Variants in TRPC5 observed in about 807,000 individuals in gnomAD.
The protein encoded by TRPC5 is short transient receptor potential channel 5.
A neutral mutation model predicts 56.5 loss-of-function variants in TRPC5; 9 were observed. The ratio of observed to expected loss-of-function variants is 0.16; its 90% confidence interval spans 0.10 to 0.28. The LOEUF (loss-of-function observed/expected upper bound fraction) is 0.28. Ranked by LOEUF, TRPC5 falls within the 10% of genes least tolerant of loss-of-function variation. The pLI is 1.00. For missense variants in TRPC5, 469 were observed against 748.9 expected (o/e 0.63, Z 4.36); for synonymous variants, 282 against 278.5 (o/e 1.01, Z -0.13).
intron 3 of TRPC5, chrX:111,881,946 G>A (rs1346997532): frequency 1.8e-5 from 2 of 111,100 alleles, no homozygotes; most frequent in Non-Finnish European, 3.8e-5. Context: ...GTTGCTTCCC[G>A]TTTTATCCTA....
rs1413381135 is a variant in TRPC5, at chrX:111,774,627, G to A, written c.*1686C>T. On this transcript the variant is annotated 3_prime_UTR_variant, in exon 11 of 11. Coordinates refer to ENST00000262839, the MANE Select transcript of TRPC5 (RefSeq NM_012471.3). Reference sequence around the variant, plus strand: ...TCTTCAAAACCTCCTCCTATTTCTGGCCCCTCCCCCTCCATTTTGCTCTTC... The same window carrying A: ...TCTTCAAAACCTCCTCCTATTTCTGACCCCTCCCCCTCCATTTTGCTCTTC... 1 of 110,393 alleles carries A rather than the reference G, an allele frequency of 9.1e-6. No homozygotes were observed. Among genetic ancestry groups the A allele is most frequent in the Non-Finnish European group, 1.9e-5 (1 of 52,763 alleles). The allele number at this position is 110,393 out of a possible 1,213,427, so 9.1% of individuals were successfully genotyped here.
intron 3 of TRPC5, among the ~76,000 whole-genome samples, chrX:111,883,641 A>G (rs1163764707): frequency 8.9e-6 from 1 of 112,569 alleles, no homozygotes; most frequent in African/African-American, 3.2e-5. Flanking sequence ...GTTAAAAGCT[A>G]GCTAGCTTGC....
At chrX:111,998,457 A>G (rs769164608) in intron 1 of TRPC5, among the ~76,000 whole-genome samples, 1 of 111,384 alleles carries the variant, frequency 9.0e-6, no homozygotes, top group African/African-American at 3.3e-5. Context: ...ATATATAGTC[A>G]TACTTCAGTA....
chrX:112,051,467 A>G (rs1306098826), intron 1 of TRPC5, among the ~76,000 whole-genome samples: 1 of 111,607 alleles, frequency 9.0e-6, no homozygotes, highest in Non-Finnish European at 1.9e-5. Context: ...AATAAGTGAG[A>G]GCAGAAATTA....
intron 6 of TRPC5, among the ~76,000 whole-genome samples, chrX:111,842,300 G>T (rs1395335109): frequency 9.4e-6 from 1 of 106,178 alleles, no homozygotes; most frequent in Admixed American, 1.0e-4. Context: ...ACCACACCTG[G>T]CTGATTTTTG....
intron 1 of TRPC5, among the ~76,000 whole-genome samples, chrX:111,993,070 G>T (rs1928408586): frequency 1.3e-5 from 1 of 75,163 alleles, no homozygotes; most frequent in South Asian, 9.8e-4. Context: ...CCCCCTGACA[G>T]GCCCCGGCGT....
At chrX:112,041,970 T>G (rs1929903864) in intron 1 of TRPC5, among the ~76,000 whole-genome samples, 1 of 111,601 alleles carries the variant, frequency 9.0e-6, no homozygotes, top group Admixed American at 9.6e-5. Flanking sequence ...TTGGAAAAGG[T>G]TTTTGTTTTA....
rs767234928 is a variant in TRPC5, at chrX:111,912,755, T to C, written c.436A>G (p.Ile146Val). ...FSEFTPDITP[I>V]MLAAHTNNYE... ...TTGTTGGTGTGGGCAGCCAGCATGA[T>C]GGGAGTGATGTCCGGTGTGAATTCA... The change falls in exon 3 of 11, where the codon ATC becomes GTC. Residue 146 changes from isoleucine (I) to valine (V), a missense_variant. Physicochemically the swap from Ile to Val is conservative, Grantham distance 29 (BLOSUM62 3). Coordinates refer to ENST00000262839, the MANE Select transcript of TRPC5 (RefSeq NM_012471.3). 1.7e-6 allele frequency: 2 copies of C among 1,205,836 alleles called. No homozygotes were observed. The highest frequency in any genetic ancestry group is 2.2e-6 in the Non-Finnish European group (2 of 895,407).
At chrX:112,062,165 C>G (rs894343558) in intron 1 of TRPC5, among the ~76,000 whole-genome samples, 1 of 111,810 alleles carries the variant, frequency 8.9e-6, no homozygotes, top group African/African-American at 3.3e-5. Flanking sequence ...GATGTAGTAA[C>G]TCTCTCAGGT....
At chrX:112,033,499 G>C (rs1390046638) in intron 1 of TRPC5, among the ~76,000 whole-genome samples, 1 of 94,692 alleles carries the variant, frequency 1.1e-5, no homozygotes. Context: ...TTACTCTCTT[G>C]ATAATATCCT....
intron 7 of TRPC5, among the ~76,000 whole-genome samples, chrX:111,804,758 A>C (rs1921441918): frequency 9.0e-6 from 1 of 110,904 alleles, no homozygotes; most frequent in Non-Finnish European, 1.9e-5. Flanking sequence ...TTGGGCTGAG[A>C]TGGGGTTTTC....
chrX:112,017,083 G>A (rs1478367975), intron 1 of TRPC5, among the ~76,000 whole-genome samples: 19 of 111,317 alleles, frequency 1.7e-4, no homozygotes, highest in Admixed American at 1.5e-3. Flanking sequence ...GTGCAATCTC[G>A]GCTCACTGCA....
At chrX:111,965,416 G>A (rs950828150) in intron 1 of TRPC5, among the ~76,000 whole-genome samples, 7 of 111,445 alleles carry the variant, frequency 6.3e-5, no homozygotes, top group African/African-American at 2.0e-4. Flanking sequence ...ACAGATCAAC[G>A]AGACAGAAAG....
intron 1 of TRPC5, among the ~76,000 whole-genome samples, chrX:112,067,696 C>T (rs1193406093): frequency 8.9e-6 from 1 of 111,810 alleles, no homozygotes; most frequent in Non-Finnish European, 1.9e-5. Context: ...ACTGCTGGCC[C>T]CAGGGAGAGC....
chrX:112,027,063 A>G (rs1355664426), intron 1 of TRPC5, among the ~76,000 whole-genome samples: 1 of 111,795 alleles, frequency 8.9e-6, no homozygotes, highest in Non-Finnish European at 1.9e-5. Context: ...AGCAACAGTT[A>G]CCACATTTCT....
Position 111,853,998 on chromosome X carries a change from T to C in TRPC5, c.1009A>G (p.Ile337Val). Reference protein sequence around the residue: ...WVVKLLTCMTIGFLFPMLSIA... With the variant: ...WVVKLLTCMTVGFLFPMLSIA... ...GACAGCATGGGAAACAGGAACCCAA[T>C]GGTCATGCAGGTTAGAAGCTTGACT... Residue 337 changes from isoleucine (I) to valine (V), a missense_variant, in exon 4 of 11, where the codon ATT (isoleucine) becomes GTT (valine). Ile to Val is a conservative substitution (Grantham distance 29). Around this residue, in one of 3 missense-constraint regions of TRPC5, gnomAD observed 157 missense variants for 360.0 expected, o/e 0.44. Transcript: ENST00000262839. 2 of 1,211,767 alleles carry C rather than the reference T, an allele frequency of 1.7e-6. No individual in the cohort carries two copies. The highest frequency in any genetic ancestry group is 2.2e-6 in the Non-Finnish European group (2 of 895,528).
At chrX:112,001,454 A>G (rs936901274) in intron 1 of TRPC5, among the ~76,000 whole-genome samples, 2 of 112,176 alleles carry the variant, frequency 1.8e-5, no homozygotes, top group African/African-American at 6.5e-5. Context: ...CATGTTATCT[A>G]TTATTGATTA....
At position 111,768,808 on chromosome X, in the gene TRPC5, C is replaced by T. The variant is rs949395979; in HGVS notation, c.*7505G>A. 4.5e-5 allele frequency among the ~76,000 whole-genome samples: 5 copies of T among 111,806 alleles called. No homozygotes were observed. Among genetic ancestry groups the T allele is most frequent in the Admixed American group, 2.9e-4 (3 of 10,526 alleles). On this transcript the variant is annotated 3_prime_UTR_variant, in exon 11 of 11. Transcript: ENST00000262839. The stretch of plus-strand genomic sequence containing the variant: ...ATTCATTTTGGTGTCATTGGTCCCA[C>T]TTATCCTGTTAAGACACTTGAGAAT...
intron 7 of TRPC5, among the ~76,000 whole-genome samples, chrX:111,797,126 T>C (rs1921125383): frequency 1.8e-5 from 2 of 112,070 alleles, no homozygotes; most frequent in Non-Finnish European, 3.8e-5. Flanking sequence ...CATGAAGGCT[T>C]TCATTTTGCT....
Sources: allele counts gnomAD v4.1 joint callset (sites outside exome capture counted in the v4.1 genomes callset), GRCh38; gene constraint gnomAD v4.1.1; regional missense constraint gnomAD v4.1.1; transcripts MANE v1.5; gene names NCBI Gene and HGNC (gene_info 2026-07-23, HGNC 2026-07-21).